ATP8B1: variants seen among roughly 807,000 people sequenced by gnomAD.
ATP8B1 encodes phospholipid-transporting ATPase IC.
ATP8B1 carries 80 observed loss-of-function variants against 149.9 expected under a neutral mutation model. The ratio of observed to expected loss-of-function variants is 0.53; its 90% CI spans 0.45 to 0.64. The LOEUF (loss-of-function observed/expected upper bound fraction) is 0.64, where lower values mean the gene tolerates loss of function less well. Among genes scored for constraint, ATP8B1 ranks in the 30% least tolerant of loss-of-function variants. The probability of loss-of-function intolerance (pLI) is 0.00; values close to 1 mark genes in which losing one functional copy is unlikely to be tolerated. For missense variants in ATP8B1, 1,247 were observed against 1,552.6 expected, an observed-to-expected ratio of 0.80 and a Z score of 3.31; for synonymous variants, 536 against 562.8, an observed-to-expected ratio of 0.95 and a Z score of 0.67.
At chr18:57,707,029 G>T (rs539039833) in intron 2 of ATP8B1, among the ~76,000 whole-genome samples, 3 of 152,200 alleles carry the variant, frequency 2.0e-5, no homozygotes, top group Admixed American at 2.0e-4. Context: ...GAAGCAGGCC[G>T]GGCGCGGTGG....
At chr18:57,672,886 G>GCA (rs1911298493) in intron 16 of ATP8B1, among the ~76,000 whole-genome samples, 11 of 14,060 alleles carry the variant, frequency 7.8e-4, no homozygotes, top group African/African-American at 2.5e-3. Flanking sequence ...AAAAAAAAAA[G>GCA]TATATATATA....
chr18:57,706,415 T>G, intron 3 of ATP8B1, 75 bp downstream of exon 3: 1 of 1,184,790 alleles, frequency 8.4e-7, no homozygotes, highest in Non-Finnish European at 1.2e-6. Context: ...AGGTGTAGCA[T>G]GAAGGTAGTA....
In ATP8B1 at chr18:57,693,779, C is replaced by T. The variant is rs141565055; in HGVS notation, c.1029+803G>A. ...AACTGTGCAAACAGCATGGTTTATG[C>T]TGACCATCTGCATTCTTTTGGGGAG... On this transcript the variant is annotated intron_variant, in intron 11 of 27. Coordinates refer to ENST00000648908, the MANE Select transcript of ATP8B1 (RefSeq NM_001374385.1). Among the ~76,000 whole-genome samples, 347 of 152,272 alleles carry T rather than the reference C, an allele frequency of 2.3e-3. 1 individual carries two copies. Among genetic ancestry groups the T allele is most frequent in the Non-Finnish European group, 3.6e-3 (248 of 68,024 alleles).
chr18:57,762,284 G>GC (rs1303039342), intron 1 of ATP8B1, among the ~76,000 whole-genome samples: 23 of 151,958 alleles, frequency 1.5e-4, no homozygotes, highest in African/African-American at 5.5e-4. Flanking sequence ...GACTACAGGT[G>GC]CCCGCCAACA....
chr18:57,752,312 A>G (rs977374204), intron 1 of ATP8B1, among the ~76,000 whole-genome samples: 3 of 151,982 alleles, frequency 2.0e-5, no homozygotes, highest in Admixed American at 1.3e-4. Flanking sequence ...AGAATCAAGA[A>G]ATGGTTAAGG....
intron 1 of ATP8B1, among the ~76,000 whole-genome samples, chr18:57,798,784 CA>C (rs2123474771): frequency 6.6e-6 from 1 of 152,174 alleles, no homozygotes; most frequent in South Asian, 2.1e-4. Flanking sequence ...GGTTAAGAGG[CA>C]AATGAGCACT....
At chr18:57,701,003 C>T in intron 6 of ATP8B1, 36 bp downstream of exon 6, 2 of 1,573,084 alleles carry the variant, frequency 1.3e-6, no homozygotes, top group Non-Finnish European at 1.8e-6. Context: ...TTATGCATTA[C>T]ATCCTTGAAA....
At chr18:57,660,392 A>G (rs1434473334) in intron 22 of ATP8B1, among the ~76,000 whole-genome samples, 1 of 152,230 alleles carries the variant, frequency 6.6e-6, no homozygotes, top group Non-Finnish European at 1.5e-5. Context: ...CCACAGATTT[A>G]CCAAAGGTAG....
At chr18:57,756,192 C>CATATATATATAT (rs147263393) in intron 1 of ATP8B1, among the ~76,000 whole-genome samples, 8 of 84,748 alleles carry the variant, frequency 9.4e-5, no homozygotes, top group African/African-American at 2.3e-4. Flanking sequence ...ATTTCCACAA[C>CATATATATATAT]ATATATATAT....
At chr18:57,679,648 C>G (rs1199189499) in intron 15 of ATP8B1, among the ~76,000 whole-genome samples, 1 of 152,124 alleles carries the variant, frequency 6.6e-6, no homozygotes, top group African/African-American at 2.4e-5. Flanking sequence ...CTCTCCTTCA[C>G]AACTGCCTCA....
chr18:57,774,242 G>A (rs987444453), intron 1 of ATP8B1, among the ~76,000 whole-genome samples: 5 of 152,112 alleles, frequency 3.3e-5, no homozygotes, highest in Middle Eastern at 3.2e-3. Flanking sequence ...TTAAACCCCA[G>A]CCTTGCCAGT....
At chr18:57,664,038 T>C (rs1156520407) in intron 20 of ATP8B1, among the ~76,000 whole-genome samples, 1 of 149,074 alleles carries the variant, frequency 6.7e-6, no homozygotes, top group African/African-American at 2.5e-5. Context: ...GTGCTGGGAT[T>C]ACAGGCATGA....
chr18:57,656,527 A>G (rs1167211329), intron 22 of ATP8B1, among the ~76,000 whole-genome samples: 4 of 151,734 alleles, frequency 2.6e-5, no homozygotes, highest in Non-Finnish European at 5.9e-5. Flanking sequence ...CTGGGATTAC[A>G]GATGTGCGCC....
At position 57,669,500 on chromosome 18, in the gene ATP8B1, AT is replaced by A; in HGVS notation, c.1933-19del. 6.2e-7 allele frequency: 1 copy of A among 1,603,928 alleles called. No individual in the cohort carries two copies. The highest frequency in any genetic ancestry group is 8.5e-7 in the Non-Finnish European group (1 of 1,171,962). On this transcript the variant is annotated intron_variant, in intron 17 of 27. Coordinates refer to ENST00000648908, the MANE Select transcript of ATP8B1 (RefSeq NM_001374385.1). ...GCAAAGATCTGTTTTATTTAAAAAA[AT>A]AAATCCACCAATGCAAAGAATAGTT...
chr18:57,756,208 T>TACAC (rs1440484587), intron 1 of ATP8B1, among the ~76,000 whole-genome samples: 17 of 84,738 alleles, frequency 2.0e-4, no homozygotes, highest in East Asian at 1.5e-3. Context: ...TATATATATA[T>TACAC]ATACACACAC....
intron 13 of ATP8B1, 81 bp from the exon 14 acceptor site, chr18:57,685,196 T>C (rs1418285207): frequency 6.7e-7 from 1 of 1,493,250 alleles, no homozygotes; most frequent in African/African-American, 1.4e-5. Context: ...GCTTATATAG[T>C]GATGGTGGTA....
At chr18:57,762,140 TA>T (rs770348115) in intron 1 of ATP8B1, among the ~76,000 whole-genome samples, 44 of 73,742 alleles carry the variant, frequency 6.0e-4, no homozygotes, top group African/African-American at 1.8e-3. Context: ...TATATATATA[TA>T]TTTTTTTTTT....
At chr18:57,742,542 G>T (rs527879135) in intron 1 of ATP8B1, among the ~76,000 whole-genome samples, 3 of 152,240 alleles carry the variant, frequency 2.0e-5, no homozygotes, top group African/African-American at 4.8e-5. Context: ...CACAAAGGAA[G>T]ATTGGCTGCC....
chr18:57,723,324 T>C, intron 2 of ATP8B1, among the ~76,000 whole-genome samples: 1 of 136,506 alleles, frequency 7.3e-6, no homozygotes, highest in Non-Finnish European at 1.5e-5. Flanking sequence ...TGTTTGCAGA[T>C]GACATGATTG....
Sources: gnomAD v4.1 joint callset for allele counts (sites outside exome capture counted in the v4.1 genomes callset) on GRCh38, gnomAD v4.1.1 for gene constraint, MANE v1.5 for transcripts, NCBI Gene and HGNC (gene_info 2026-07-23, HGNC 2026-07-21) for gene names.